PCBP3: variants seen among roughly 807,000 people sequenced by gnomAD.
PCBP3 encodes poly(rC) binding protein 3.
In PCBP3, 25 loss-of-function variants were observed where a neutral mutation model predicts 52.7. The observed-to-expected ratio is 0.47, with a 90% CI of 0.35 to 0.66. PCBP3 has a LOEUF of 0.66. PCBP3 is among the 30% of genes least tolerant of loss of function. PCBP3 has a pLI of 0.01. For missense variants in PCBP3, 391 were observed against 490.3 expected (o/e 0.80, Z 1.91); for synonymous variants, 162 against 183.0 (o/e 0.89, Z 0.93).
intron 5 of PCBP3, among the ~76,000 whole-genome samples, chr21:45,891,596 A>G (rs1603470143): frequency 6.6e-6 from 1 of 152,066 alleles, no homozygotes; most frequent in African/African-American, 2.4e-5. Context: ...GGGAGCACGG[A>G]CCACAGGGGA....
chr21:45,920,618 G>A (rs2074310039), intron 13 of PCBP3, among the ~76,000 whole-genome samples: 1 of 152,194 alleles, frequency 6.6e-6, no homozygotes, highest in African/African-American at 2.4e-5. Context: ...CCAGGGCTGG[G>A]GAGTGATTGG....
At chr21:45,683,261 G>A (rs919285692) in intron 2 of PCBP3, among the ~76,000 whole-genome samples, 1 of 152,138 alleles carries the variant, frequency 6.6e-6, no homozygotes, top group Admixed American at 6.5e-5. Flanking sequence ...TGGAGTAATA[G>A]GGCAAAATCC....
chr21:45,669,803 G>GTATATATATATATA, intron 2 of PCBP3, among the ~76,000 whole-genome samples: 1 of 54,396 alleles, frequency 1.8e-5, no homozygotes, highest in African/African-American at 9.1e-5. Context: ...GTGTGTGTGT[G>GTATATATATATATA]TGTATATATA....
chr21:45,717,593 T>A (rs917903953), intron 2 of PCBP3, among the ~76,000 whole-genome samples: 1 of 152,254 alleles, frequency 6.6e-6, no homozygotes, highest in African/African-American at 2.4e-5. Context: ...GAGATGATCA[T>A]GTGGTTTTTG....
In PCBP3 at chr21:45,791,134, A is replaced by C. The variant is rs1346208133; in HGVS notation, c.-126+35682A>C. ...GTGCAGAGATGGTGGGGTCCATCCC[A>C]GGAAGCCCCTCACAACAAGGCTGTG... is the stretch of plus-strand genomic sequence containing the variant. On this transcript the variant is annotated intron_variant, in intron 4 of 17. Coordinates refer to ENST00000681687, the MANE Select transcript of PCBP3 (RefSeq NM_001384156.1). The surrounding 1 kb of genome is among the most constrained non-coding windows in gnomAD (Gnocchi z 4.2). Among the ~76,000 whole-genome samples, 1 of 152,198 alleles carries C rather than the reference A, an allele frequency of 6.6e-6. No homozygotes were observed. Among genetic ancestry groups the C allele is most frequent in the African/African-American group, 2.4e-5 (1 of 41,454 alleles).
At chr21:45,759,652 T>C (rs528120121) in intron 4 of PCBP3, among the ~76,000 whole-genome samples, 1 of 152,248 alleles carries the variant, frequency 6.6e-6, no homozygotes, top group Admixed American at 6.5e-5. Flanking sequence ...TGGAGAGACA[T>C]GGACAAGTTA....
At chr21:45,930,651 G>C in intron 14 of PCBP3, 135 bp from the exon 15 acceptor site, 1 of 566,282 alleles carries the variant, frequency 1.8e-6, no homozygotes, top group Non-Finnish European at 3.2e-6. Flanking sequence ...CACAGAGGCA[G>C]TGCCATGCCT....
intron 9 of PCBP3, among the ~76,000 whole-genome samples, chr21:45,902,344 C>T (rs938808730): frequency 4.6e-5 from 7 of 151,122 alleles, no homozygotes; most frequent in Admixed American, 6.6e-5. Context: ...GTTCCCCTAT[C>T]GTAGGTGGCC....
At chr21:45,739,590 CCCCCCATCTTCATCAGCCCACCCCTT>C (rs1569168629) in intron 3 of PCBP3, among the ~76,000 whole-genome samples, 16 of 117,488 alleles carry the variant, frequency 1.4e-4, no homozygotes, top group Non-Finnish European at 2.6e-4. Flanking sequence ...CTGGGTGCCC[CCCCCCATCTTCATCAGCCCACCCCTT>C]CCTGTCCATT....
chr21:45,750,791 T>C (rs1330462475), intron 3 of PCBP3: 1 of 152,166 alleles, frequency 6.6e-6, no homozygotes, highest in Admixed American at 6.5e-5. Context: ...TCGAGTGTCT[T>C]TGCTTCTAAC....
chr21:45,660,119 G>C (rs1017263941), intron 1 of PCBP3, among the ~76,000 whole-genome samples: 1 of 150,946 alleles, frequency 6.6e-6, no homozygotes, highest in African/African-American at 2.4e-5. Flanking sequence ...ATGCATTCTG[G>C]GGCTTTATTT....
rs552434710 is a variant in PCBP3, at chr21:45,807,993, T to C, written c.-125-41968T>C. On this transcript the variant is annotated intron_variant, in intron 4 of 17. Transcript: ENST00000681687. ...TGGTGTTGGGAAAACTGGCTAGCCA[T>C]ATGCAGAAAACTGAAACTGGACCCC... Among the ~76,000 whole-genome samples, 5 of 152,274 alleles carry C rather than the reference T, an allele frequency of 3.3e-5. No individual in the cohort carries two copies. The East Asian group carries it at 7.7e-4, about 24-fold the overall frequency.
In PCBP3 at chr21:45,765,885, A is replaced by G. The variant is rs550356306; in HGVS notation, c.-126+10433A>G. The stretch of plus-strand genomic sequence containing the variant: ...AACGGGGAAGGCTCAAATTTTGTTC[A>G]GTCTCATAATTGTGCTGAAAAATAA... On this transcript the variant is annotated intron_variant, in intron 4 of 17. Transcript: ENST00000681687. 3.7e-4 allele frequency among the ~76,000 whole-genome samples: 56 copies of G among 152,342 alleles called. No homozygotes were observed. The South Asian group carries it at 0.011, about 31-fold the overall frequency.
intron 5 of PCBP3, among the ~76,000 whole-genome samples, chr21:45,879,340 C>T (rs1425858268): frequency 6.6e-6 from 1 of 152,050 alleles, no homozygotes; most frequent in Non-Finnish European, 1.5e-5. Context: ...AATCTAATAA[C>T]CAGAATGAAA....
intron 12 of PCBP3, chr21:45,915,071 G>A (rs2073154542): frequency 1.3e-5 from 2 of 152,244 alleles, no homozygotes; most frequent in South Asian, 4.1e-4. Flanking sequence ...GCTCAGGGCA[G>A]GGTATGCCTT....
At position 45,900,608 on chromosome 21, in the gene PCBP3, G is replaced by A. The variant is rs1454216112; in HGVS notation, c.207G>A (p.Lys69=). The A allele has an allele frequency of 8.6e-6, 13 of 1,512,926 alleles. No homozygotes were observed. Among genetic ancestry groups the A allele is most frequent in the Non-Finnish European group, 1.1e-5 (12 of 1,115,456 alleles). The allele number at this position is 1,512,926 out of a possible 1,614,324, so 93.7% of individuals were successfully genotyped here. A position where few individuals can be genotyped will look rare whatever the true frequency, so the allele number is the denominator to read the frequency against. ...SIIGKKGETV[K]KMREESGARI... is the part of the protein sequence containing the mutation. ...TATTCCAGAAAGGAGAAACTGTGAA[G>A]AAGATGCGTGAGGAGGTGAGTGTGG... Residue 69 remains lysine, a synonymous_variant, in exon 8 of 18, where the codon AAG becomes AAA. Coordinates refer to ENST00000681687, the MANE Select transcript of PCBP3 (RefSeq NM_001384156.1).
At position 45,850,042 on chromosome 21, in the gene PCBP3, A is replaced by G. The variant is rs371384373; in HGVS notation, c.-44A>G. The stretch of plus-strand genomic sequence containing the variant: ...GATGCTCTGAGTTCAATACGTCTGA[A>G]CCTTTGCTGTCTATGGATCTGCTCT... On this transcript the variant is annotated 5_prime_UTR_variant, in exon 5 of 18. Transcript: ENST00000681687. 124 of 1,533,996 alleles carry G rather than the reference A, an allele frequency of 8.1e-5. 2 individuals are homozygous for G. Among genetic ancestry groups the G allele is most frequent in the East Asian group, 6.4e-4 (26 of 40,830 alleles).
At chr21:45,903,398 A>G (rs1049414385) in intron 9 of PCBP3, among the ~76,000 whole-genome samples, 3 of 152,036 alleles carry the variant, frequency 2.0e-5, no homozygotes, top group African/African-American at 7.2e-5. Context: ...GTCACAGGCA[A>G]TTTGTTTAGA....
chr21:45,931,791 G>C (rs1035331309), intron 15 of PCBP3, among the ~76,000 whole-genome samples: 1 of 151,848 alleles, frequency 6.6e-6, no homozygotes, highest in Non-Finnish European at 1.5e-5. Flanking sequence ...GAACACATCG[G>C]CCATGCTGTC....
Sources: gnomAD v4.1 joint callset for allele counts (sites outside exome capture counted in the v4.1 genomes callset) on GRCh38, gnomAD v4.1.1 for gene constraint, Gnocchi (gnomAD v3.1) non-coding constraint, MANE v1.5 for transcripts, NCBI Gene and HGNC (gene_info 2026-07-23, HGNC 2026-07-21) for gene names.